EFEMP1: variants seen among roughly 807,000 people sequenced by gnomAD.
The protein encoded by EFEMP1 is EGF-like fibulin extracellular matrix protein 1, also known as EGF-containing fibulin-like extracellular matrix protein 1.
In EFEMP1, 18 loss-of-function variants were observed where a neutral mutation model predicts 65.7. The ratio of observed to expected loss-of-function variants is 0.27; its 90% CI spans 0.19 to 0.41. The LOEUF (loss-of-function observed/expected upper bound fraction) is 0.41, where lower values mean the gene tolerates loss of function less well. Ranked by LOEUF, EFEMP1 falls within the 10% of genes least tolerant of loss-of-function variation. The pLI, the probability that EFEMP1 is intolerant of heterozygous loss-of-function variation, is 1.00. For missense variants in EFEMP1, 469 were observed against 624.8 expected (o/e 0.75, Z 2.66); for synonymous variants, 237 against 219.7 (o/e 1.08, Z -0.70).
At chr2:55,888,528 A>G (rs1323965009) in intron 5 of EFEMP1, among the ~76,000 whole-genome samples, 1 of 151,868 alleles carries the variant, frequency 6.6e-6, no homozygotes, top group Non-Finnish European at 1.5e-5. Flanking sequence ...TAGTAGAGGC[A>G]GGGTTTCACT....
chr2:55,887,897 A>G (rs912962374), intron 5 of EFEMP1, among the ~76,000 whole-genome samples: 1 of 152,198 alleles, frequency 6.6e-6, no homozygotes, highest in African/African-American at 2.4e-5. Flanking sequence ...TAGGAAAAAA[A>G]TCATGCTACT....
chr2:55,874,608 C>G (rs960756469), intron 9 of EFEMP1, among the ~76,000 whole-genome samples: 1 of 152,072 alleles, frequency 6.6e-6, no homozygotes, highest in Admixed American at 6.6e-5. Flanking sequence ...TGAGCTTATG[C>G]TCTAAACTCA....
intron 3 of EFEMP1, among the ~76,000 whole-genome samples, chr2:55,920,439 T>G (rs989774669): frequency 1.3e-5 from 2 of 152,186 alleles, no homozygotes; most frequent in Admixed American, 6.5e-5. Flanking sequence ...CTTTTAATAG[T>G]GATGAGAATT....
rs1230931808 is a variant in EFEMP1 at position 55,871,467 on chromosome 2, A to G, written c.1001-344T>C. ...GGACATTATAATTGAGGGAATGTGT[A>G]TATGATTACTTAGAAAGTAAAATGG... On this transcript the variant is annotated intron_variant, in intron 9 of 11. Coordinates refer to ENST00000355426, the MANE Select transcript of EFEMP1 (RefSeq NM_001039348.3). This position sits in a 1 kb window ranked among gnomAD's most constrained non-coding sequence, Gnocchi z 4.2. Among the ~76,000 whole-genome samples, 1 of 152,182 alleles carries G rather than the reference A, an allele frequency of 6.6e-6. No homozygotes were observed. Among genetic ancestry groups the G allele is most frequent in the East Asian group, 1.9e-4 (1 of 5,192 alleles).
chr2:55,867,105 A>G lies in EFEMP1; in HGVS notation c.1450T>C (p.Leu484=), dbSNP rs1391650528. The change falls in exon 12 of 12, where the codon TTG becomes CTG. Residue 484 remains leucine, a synonymous_variant. Transcript: ENST00000355426. The surrounding 1 kb of genome is among the most constrained non-coding windows in gnomAD (Gnocchi z 4.3). ...GTFRTSSVLR[L]TIIVGPFSF ...GAAAATGGCCCCACTATTATTGTCA[A>G]TCTTAACACAGAGCTTGTGCGGAAG... 13 of 1,613,324 alleles carry G rather than the reference A, an allele frequency of 8.1e-6. No individual in the cohort carries two copies. The highest frequency in any genetic ancestry group is 1.0e-5 in the Non-Finnish European group (12 of 1,179,940).
intron 5 of EFEMP1, among the ~76,000 whole-genome samples, chr2:55,897,641 A>G (rs1669877485): frequency 6.6e-6 from 1 of 152,210 alleles, no homozygotes; most frequent in Non-Finnish European, 1.5e-5. Context: ...TCCATAAACT[A>G]AACCATCTAT....
intron 4 of EFEMP1, 29 bp downstream of exon 4, chr2:55,918,190 T>C: frequency 6.2e-7 from 1 of 1,614,010 alleles, no homozygotes. Flanking sequence ...AAGGCAATGA[T>C]CACATGGAAG....
chr2:55,876,564 A>G, intron 8 of EFEMP1, 59 bp downstream of exon 8: 1 of 1,598,500 alleles, frequency 6.3e-7, no homozygotes. Context: ...ATAATCAGAT[A>G]AAACAACAGC....
rs560096811 is a variant in EFEMP1 at position 55,886,418 on chromosome 2, C to G, written c.518-4684G>C. Among the ~76,000 whole-genome samples the G allele has an allele frequency of 1.3e-5, 2 of 152,122 alleles. No homozygotes were observed. The highest frequency in any genetic ancestry group is 2.9e-5 in the Non-Finnish European group (2 of 68,022). On this transcript the variant is annotated intron_variant, in intron 5 of 11. Coordinates refer to ENST00000355426, the MANE Select transcript of EFEMP1 (RefSeq NM_001039348.3). This position sits in a 1 kb window ranked among gnomAD's most constrained non-coding sequence, Gnocchi z 4.0. ...ATTTAATGGTGCTATCCTGTGAACT[C>G]TTGTGGTTAAAGAAAAGATAGTGGT...
chr2:55,923,767 G>A lies in EFEMP1; in HGVS notation c.-105C>T, dbSNP rs558071999. The stretch of plus-strand genomic sequence containing the variant: ...CAGCGAGGGGAGTGCGCAGGGGAGG[G>A]CAGCCCCGTGGGTCTGATCTGGCGA... On this transcript the variant is annotated 5_prime_UTR_variant, in exon 1 of 12. Coordinates refer to ENST00000355426, the MANE Select transcript of EFEMP1 (RefSeq NM_001039348.3). The surrounding 1 kb of genome is among the most constrained non-coding windows in gnomAD (Gnocchi z 5.3). 4.6e-5 allele frequency: 45 copies of A among 986,290 alleles called. No homozygotes were observed. The Admixed American group carries it at 2.1e-3, about 46-fold the overall frequency. The allele number at this position is 986,290 out of a possible 1,614,324, so 61.1% of individuals were successfully genotyped here.
chr2:55,881,511 C>A (rs926945287), intron 6 of EFEMP1, 101 bp downstream of exon 6: 32 of 1,485,400 alleles, frequency 2.2e-5, no homozygotes, highest in African/African-American at 2.8e-5. Context: ...TTATTGGCTA[C>A]CACTCTCCAA....
rs144127545 is a variant in EFEMP1 at position 55,922,930 on chromosome 2, G to T, written c.-39C>A. 13 of 1,029,460 alleles carry T rather than the reference G, an allele frequency of 1.3e-5. No individual in the cohort carries two copies. In the East Asian group the frequency reaches 1.0e-3, roughly 81 times the overall value. The allele number at this position is 1,029,460 out of a possible 1,614,324, so 63.8% of individuals were successfully genotyped here. A position where few individuals can be genotyped will look rare whatever the true frequency, so the allele number is the denominator to read the frequency against. On this transcript the variant is annotated 5_prime_UTR_variant, in exon 2 of 12. It adds an upstream start codon to the 5' untranslated region. Coordinates refer to ENST00000355426, the MANE Select transcript of EFEMP1 (RefSeq NM_001039348.3). This position sits in a 1 kb window ranked among gnomAD's most constrained non-coding sequence, Gnocchi z 5.5. ...CTAGCAGAGTTCCTTGCACAGCACA[G>T]CAAAAATACCTGTGAGCCAATATGA...
rs1241895747 is a variant in EFEMP1 at position 55,921,274 on chromosome 2, A to C, written c.81+1086T>G. On this transcript the variant is annotated intron_variant, in intron 3 of 11. Coordinates refer to ENST00000355426, the MANE Select transcript of EFEMP1 (RefSeq NM_001039348.3). The surrounding 1 kb of genome is among the most constrained non-coding windows in gnomAD (Gnocchi z 4.1). Reference sequence around the variant, plus strand: ...ACTGCATTTAACATGAAGTTAACAAAATATTTGTATTAAGCTATTTTATTT... The same window carrying C: ...ACTGCATTTAACATGAAGTTAACAACATATTTGTATTAAGCTATTTTATTT... Among the ~76,000 whole-genome samples, 1 of 152,228 alleles carries C rather than the reference A, an allele frequency of 6.6e-6. No homozygotes were observed. The highest frequency in any genetic ancestry group is 2.4e-5 in the African/African-American group (1 of 41,450).
chr2:55,870,269 A>C lies in EFEMP1; in HGVS notation c.1320+451T>G, dbSNP rs191970711. 6.6e-6 allele frequency among the ~76,000 whole-genome samples: 1 copy of C among 150,786 alleles called. No individual in the cohort carries two copies. The highest frequency in any genetic ancestry group is 1.5e-5 in the Non-Finnish European group (1 of 67,876). ...CATGATGTCTGAAAAACTCTTTAGG[A>C]GCTCCAGGAATTATTTTGGGTTTGA... is the stretch of plus-strand genomic sequence containing the variant. On this transcript the variant is annotated intron_variant, in intron 11 of 11. Transcript: ENST00000355426. The surrounding 1 kb of genome is among the most constrained non-coding windows in gnomAD (Gnocchi z 5.8).
rs996727837 is a variant in EFEMP1 at position 55,886,659 on chromosome 2, A to G, written c.518-4925T>C. Among the ~76,000 whole-genome samples, 3 of 152,148 alleles carry G rather than the reference A, an allele frequency of 2.0e-5. No homozygotes were observed. Among genetic ancestry groups the G allele is most frequent in the Non-Finnish European group, 2.9e-5 (2 of 68,014 alleles). ...TTTAGATACCCACCTGCTCAAAATG[A>G]TTGCTCCCAATCCTTTCTAGAGACA... On this transcript the variant is annotated intron_variant, in intron 5 of 11. Transcript: ENST00000355426. This position sits in a 1 kb window ranked among gnomAD's most constrained non-coding sequence, Gnocchi z 4.0.
chr2:55,867,367 C>T lies in EFEMP1; in HGVS notation c.1321-133G>A, dbSNP rs1668617853. 1.0e-6 allele frequency: 1 copy of T among 962,140 alleles called. No individual in the cohort carries two copies. Among genetic ancestry groups the T allele is most frequent in the South Asian group, 1.6e-5 (1 of 61,446 alleles). 59.6% of individuals were successfully genotyped at this position (962,140 alleles called of 1,614,324 possible). The stretch of plus-strand genomic sequence containing the variant: ...TGGTATAAAAGAGCCACTACTTGGT[C>T]CCTTCTTGGTTTCAACTCTTCTTGG... On this transcript the variant is annotated intron_variant, in intron 11 of 11. Transcript: ENST00000355426. The surrounding 1 kb of genome is among the most constrained non-coding windows in gnomAD (Gnocchi z 4.3).
chr2:55,872,405 T>C (rs59265286), intron 9 of EFEMP1, among the ~76,000 whole-genome samples: 4,393 of 152,250 alleles, frequency 0.029, 124 homozygotes, highest in South Asian at 0.14. Flanking sequence ...TGTAAACTCC[T>C]TGAGGGCAAG....
In EFEMP1 at chr2:55,870,687, C is replaced by G. The variant is rs1295823045; in HGVS notation, c.1320+33G>C. The G allele has an allele frequency of 1.2e-6, 2 of 1,611,026 alleles. No individual in the cohort carries two copies. Among genetic ancestry groups the G allele is most frequent in the African/African-American group, 2.7e-5 (2 of 74,810 alleles). On this transcript the variant is annotated intron_variant, in intron 11 of 11. Coordinates refer to ENST00000355426, the MANE Select transcript of EFEMP1 (RefSeq NM_001039348.3). The surrounding 1 kb of genome is among the most constrained non-coding windows in gnomAD (Gnocchi z 5.8). The stretch of plus-strand genomic sequence containing the variant: ...ACAACAACAACAAACTCCCATCTTT[C>G]TCAATAGTTAAGGCTGCCTTCAGGA...
At chr2:55,920,249 C>T (rs531985915) in intron 3 of EFEMP1, among the ~76,000 whole-genome samples, 1 of 152,344 alleles carries the variant, frequency 6.6e-6, no homozygotes, top group Admixed American at 6.5e-5. Context: ...AGTTCTGTCT[C>T]CTCTAATATG....
Sources: allele counts gnomAD v4.1 joint callset (sites outside exome capture counted in the v4.1 genomes callset), GRCh38; gene constraint gnomAD v4.1.1; non-coding constraint Gnocchi (gnomAD v3.1); transcripts MANE v1.5; gene names NCBI Gene and HGNC (gene_info 2026-07-23, HGNC 2026-07-21).